SBNO2: variants seen among roughly 807,000 people sequenced by gnomAD.
SBNO2 encodes protein strawberry notch homolog 2.
A neutral mutation model predicts 146.3 loss-of-function variants in SBNO2; 89 were observed. That is an observed-to-expected ratio of 0.61 (90% CI 0.51 to 0.73). SBNO2 has a LOEUF of 0.73. SBNO2 is among the 30% of genes least tolerant of loss of function. SBNO2 has a pLI of 0.00. For synonymous variants in SBNO2, 1,147 were observed against 892.6 expected (o/e 1.29, Z -5.08); for missense variants, 2,092 against 2,003.7 (o/e 1.04, Z -0.84).
rs527347057 is a variant in SBNO2 at position 1,160,712 on chromosome 19, T to C, written c.-126-6310A>G. Among the ~76,000 whole-genome samples the C allele has an allele frequency of 2.6e-4, 39 of 152,220 alleles. No individual in the cohort carries two copies. The East Asian group carries it at 3.5e-3, about 14-fold the overall frequency. On this transcript the variant is annotated intron_variant, in intron 1 of 31. Coordinates refer to ENST00000361757, the MANE Select transcript of SBNO2 (RefSeq NM_014963.3). ...GGCCCGGATAATTTGCGTATTTTAG[T>C]AGAGAAGGGGTTTCACCATGTTGCC... is the stretch of plus-strand genomic sequence containing the variant.
At chr19:1,143,194 C>A (rs2080156752) in intron 4 of SBNO2, among the ~76,000 whole-genome samples, 2 of 152,034 alleles carry the variant, frequency 1.3e-5, no homozygotes, top group Admixed American at 6.6e-5. Flanking sequence ...ATGGCTCCAA[C>A]AAGCTGAATA....
In SBNO2 at chr19:1,140,669, G is replaced by A. The variant is rs2145278865; in HGVS notation, c.279+6640C>T. On this transcript the variant is annotated intron_variant, in intron 4 of 31. Transcript: ENST00000361757. The surrounding 1 kb of genome is among the most constrained non-coding windows in gnomAD (Gnocchi z 4.4). ...GGGGTGGGGGTCCCACACAGACCCA[G>A]CCGTCAGCAGGAGAAGGCACACGGA... Among the ~76,000 whole-genome samples the A allele has an allele frequency of 1.3e-5, 2 of 152,324 alleles. No individual in the cohort carries two copies. Among genetic ancestry groups the A allele is most frequent in the South Asian group, 4.1e-4 (2 of 4,830 alleles).
At position 1,127,000 on chromosome 19, in the gene SBNO2, C is replaced by T. The variant is rs980863026; in HGVS notation, c.441+604G>A. ...TTCAGGAGCTTCTTGGAGGCAAACC[C>T]CAGCCCCTCAGCCCCCACGGACAAT... On this transcript the variant is annotated intron_variant, in intron 5 of 31. Coordinates refer to ENST00000361757, the MANE Select transcript of SBNO2 (RefSeq NM_014963.3). This position sits in a 1 kb window ranked among gnomAD's most constrained non-coding sequence, Gnocchi z 4.4. 1.3e-5 allele frequency among the ~76,000 whole-genome samples: 2 copies of T among 152,184 alleles called. No homozygotes were observed. Among genetic ancestry groups the T allele is most frequent in the African/African-American group, 4.8e-5 (2 of 41,436 alleles).
intron 23 of SBNO2, 24 bp downstream of exon 23, chr19:1,111,972 C>T (rs767892560): frequency 6.8e-6 from 11 of 1,607,090 alleles, no homozygotes; most frequent in African/African-American, 1.3e-5. Context: ...GCCCCGCCCC[C>T]CAACCCTGCC....
intron 1 of SBNO2, among the ~76,000 whole-genome samples, chr19:1,171,535 AC>A (rs1269657286): frequency 2.7e-5 from 4 of 150,934 alleles, no homozygotes; most frequent in Admixed American, 2.0e-4. Context: ...AGCTGATCCC[AC>A]CCCCCAGCAT....
chr19:1,112,995 C>T lies in SBNO2; in HGVS notation c.2248-46G>A, dbSNP rs372446200. 1,352 of 1,518,700 alleles carry T rather than the reference C, an allele frequency of 8.9e-4. No individual in the cohort carries two copies. Among genetic ancestry groups the T allele is most frequent in the Non-Finnish European group, 1.2e-3 (1,304 of 1,130,476 alleles). The allele number at this position is 1,518,700 out of a possible 1,614,324, so 94.1% of individuals were successfully genotyped here. A position where few individuals can be genotyped will look rare whatever the true frequency, so the allele number is the denominator to read the frequency against. ...AAACCGGCCGTCAGTGTTGTGGCCTCGCAGGAGTCTGGCCACCCGTGTCTC... is the reference window on the plus strand; with the variant it reads ...AAACCGGCCGTCAGTGTTGTGGCCTTGCAGGAGTCTGGCCACCCGTGTCTC... On this transcript the variant is annotated intron_variant, in intron 19 of 31. Transcript: ENST00000361757. This position sits in a 1 kb window ranked among gnomAD's most constrained non-coding sequence, Gnocchi z 5.9.
intron 4 of SBNO2, among the ~76,000 whole-genome samples, chr19:1,138,211 G>T (rs2080102559): frequency 6.9e-6 from 1 of 145,294 alleles, no homozygotes; most frequent in African/African-American, 2.6e-5. Flanking sequence ...TCGGGCTGGG[G>T]TGTGGTGGGG....
At chr19:1,120,731 C>T (rs564940712) in intron 11 of SBNO2, among the ~76,000 whole-genome samples, 41 of 152,224 alleles carry the variant, frequency 2.7e-4, no homozygotes, top group Non-Finnish European at 5.1e-4. Flanking sequence ...TGCAGCGGCG[C>T]GATCTCAGCT....
intron 24 of SBNO2, among the ~76,000 whole-genome samples, 152 bp from the exon 25 acceptor site, chr19:1,111,245 G>A (rs1289395627): frequency 6.6e-6 from 1 of 152,188 alleles, no homozygotes; most frequent in Non-Finnish European, 1.5e-5. Flanking sequence ...GGAGCCTTTT[G>A]CCTGACTTAC....
chr19:1,147,765 T>C (rs556273884), intron 3 of SBNO2, among the ~76,000 whole-genome samples: 1 of 152,154 alleles, frequency 6.6e-6, no homozygotes, highest in South Asian at 2.1e-4. Flanking sequence ...AACCCCAGCC[T>C]GGCCATCCCT....
chr19:1,119,884 C>T (rs368541505), intron 12 of SBNO2, 22 bp downstream of exon 12: 38 of 1,515,232 alleles, frequency 2.5e-5, no homozygotes, highest in African/African-American at 9.7e-5. Flanking sequence ...GGGTGGGTCA[C>T]GTGGGATCCG....
chr19:1,111,616 TA>T lies in SBNO2; in HGVS notation c.2701-3del. On this transcript the variant is annotated splice_polypyrimidine_tract_variant and splice_region_variant and intron_variant, in intron 23 of 31. Coordinates refer to ENST00000361757, the MANE Select transcript of SBNO2 (RefSeq NM_014963.3). Reference sequence around the variant, plus strand: ...ACAGTGCAGGGCCCGGGTGCCATACTAGGGGGAGAAGGTGACTCGGGGAGGA... The same window carrying T: ...ACAGTGCAGGGCCCGGGTGCCATACTGGGGGAGAAGGTGACTCGGGGAGGA... The T allele has an allele frequency of 5.1e-6, 8 of 1,576,898 alleles. No individual in the cohort carries two copies. Among genetic ancestry groups the T allele is most frequent in the Non-Finnish European group, 6.9e-6 (8 of 1,161,160 alleles).
At chr19:1,120,176 C>A in intron 11 of SBNO2, 153 bp from the exon 12 acceptor site, 1 of 596,482 alleles carries the variant, frequency 1.7e-6, no homozygotes, top group South Asian at 1.9e-5. Context: ...GAGTGGCAGC[C>A]GGCTACCATG....
At chr19:1,159,411 G>A (rs1245541236) in intron 1 of SBNO2, among the ~76,000 whole-genome samples, 1 of 145,036 alleles carries the variant, frequency 6.9e-6, no homozygotes, top group Non-Finnish European at 1.5e-5. Context: ...AGCCAAGGGA[G>A]GGTCAGCCCA....
Position 1,112,493 on chromosome 19 carries a change from G to C in SBNO2, c.2424C>G (p.Leu808=), listed in dbSNP as rs2079776929. Residue 808 remains leucine (L), a synonymous_variant, in exon 21 of 32, where the codon CTC becomes CTG. Coordinates refer to ENST00000361757, the MANE Select transcript of SBNO2 (RefSeq NM_014963.3). This position sits in a 1 kb window ranked among gnomAD's most constrained non-coding sequence, Gnocchi z 5.9. ...ISEASSSGVS[L]QADRRVQNQR... is the part of the protein sequence containing the mutation. Reference sequence around the variant, plus strand: ...GGTTCTGGACACGGCGGTCGGCTTGGAGGGAGACACCCGAGCTGGAGGCCT... The same window carrying C: ...GGTTCTGGACACGGCGGTCGGCTTGCAGGGAGACACCCGAGCTGGAGGCCT... The C allele has an allele frequency of 6.2e-7, 1 of 1,606,460 alleles. No individual in the cohort carries two copies. The highest frequency in any genetic ancestry group is 8.5e-7 in the Non-Finnish European group (1 of 1,178,442).
Position 1,112,076 on chromosome 19 carries a change from G to C in SBNO2, c.2629-9C>G. 1 of 1,612,262 alleles carries C rather than the reference G, an allele frequency of 6.2e-7. No homozygotes were observed. ...CCGTGGGTCAGGGCCCCCTGCCAGG[G>C]GTGGGGAGGCCATCAGTTGGTCACC... is the stretch of plus-strand genomic sequence containing the variant. On this transcript the variant is annotated splice_polypyrimidine_tract_variant and intron_variant, in intron 22 of 31. Transcript: ENST00000361757. This position sits in a 1 kb window ranked among gnomAD's most constrained non-coding sequence, Gnocchi z 5.9.
In SBNO2 at chr19:1,147,407, A is replaced by G. The variant is rs1448078431; in HGVS notation, c.181T>C (p.Ser61Pro). 3 of 1,294,634 alleles carry G rather than the reference A, an allele frequency of 2.3e-6. No individual in the cohort carries two copies. Among genetic ancestry groups the G allele is most frequent in the Admixed American group, 5.4e-5 (2 of 36,740 alleles). The allele number at this position is 1,294,634 out of a possible 1,614,324, so 80.2% of individuals were successfully genotyped here. The change falls in exon 4 of 32, where the codon TCC (serine) becomes CCC (proline). Residue 61 changes from serine (S) to proline (P), a missense_variant. Physicochemically the swap from Ser to Pro is moderately conservative, Grantham distance 74. Coordinates refer to ENST00000361757, the MANE Select transcript of SBNO2 (RefSeq NM_014963.3). ...FSSDSRPFMS[S>P]ASFLGSQPCP... ...GGCTGGCTGCCGAGGAAGGAGGCGGAGCTCATGAACGGGCTGGAGGGAGAT... is the reference window on the plus strand; with the variant it reads ...GGCTGGCTGCCGAGGAAGGAGGCGGGGCTCATGAACGGGCTGGAGGGAGAT...
At chr19:1,148,072 C>T (rs1465355361) in intron 3 of SBNO2, among the ~76,000 whole-genome samples, 3 of 152,058 alleles carry the variant, frequency 2.0e-5, no homozygotes, top group African/African-American at 7.3e-5. Flanking sequence ...GGGTGGCCGC[C>T]GTCCCCAGGG....
chr19:1,121,352 G>A (rs1350620636), intron 11 of SBNO2, among the ~76,000 whole-genome samples: 1 of 152,206 alleles, frequency 6.6e-6, no homozygotes, highest in Non-Finnish European at 1.5e-5. Flanking sequence ...GTTGCACATA[G>A]ATTGTTCAGC....
Sources: gnomAD v4.1 joint callset for allele counts (sites outside exome capture counted in the v4.1 genomes callset) on GRCh38, gnomAD v4.1.1 for gene constraint, Gnocchi (gnomAD v3.1) non-coding constraint, MANE v1.5 for transcripts, NCBI Gene and HGNC (gene_info 2026-07-23, HGNC 2026-07-21) for gene names.